Variants in TPCN1 observed in about 807,000 individuals in gnomAD.
The protein encoded by TPCN1 is two pore segment channel 1, also known as two pore channel protein 1.
A neutral mutation model predicts 108.8 loss-of-function variants in TPCN1; 52 were observed. The observed-to-expected ratio is 0.48, with a 90% CI of 0.38 to 0.60. The LOEUF is 0.60. Among genes scored for constraint, TPCN1 ranks in the 20% least tolerant of loss-of-function variants. TPCN1 has a pLI of 0.00. For synonymous variants in TPCN1, 446 were observed against 433.7 expected, an observed-to-expected ratio of 1.03 and a Z score of -0.35; for missense variants, 806 against 1,072.8, an observed-to-expected ratio of 0.75 and a Z score of 3.47.
In TPCN1 at chr12:113,238,155, C is replaced by T. The variant is rs977277665; in HGVS notation, c.112+11191C>T. ...TTTCCCACTTAGTGGAGAAACCTAT[C>T]CTCATAGCCACACTTCCGGTATTGA... is the stretch of plus-strand genomic sequence containing the variant. On this transcript the variant is annotated intron_variant, in intron 2 of 27. Coordinates refer to ENST00000335509, the MANE Select transcript of TPCN1 (RefSeq NM_017901.6). Among the ~76,000 whole-genome samples the T allele has an allele frequency of 2.0e-5, 3 of 152,304 alleles. No individual in the cohort carries two copies. The South Asian group carries it at 6.2e-4, about 32-fold the overall frequency.
chr12:113,291,762 AG>A, intron 24 of TPCN1, 85 bp downstream of exon 24: 1 of 1,574,070 alleles, frequency 6.4e-7, no homozygotes, highest in Non-Finnish European at 8.7e-7. Context: ...AGCGTCAGGG[AG>A]TGGGGCTGGG....
chr12:113,288,895 A>G lies in TPCN1; in HGVS notation c.1796+48A>G. The G allele has an allele frequency of 3.2e-6, 5 of 1,575,992 alleles. No individual in the cohort carries two copies. The highest frequency in any genetic ancestry group is 4.4e-6 in the Non-Finnish European group (5 of 1,148,310). On this transcript the variant is annotated intron_variant, in intron 21 of 27. Transcript: ENST00000335509. The surrounding 1 kb of genome is among the most constrained non-coding windows in gnomAD (Gnocchi z 4.8). ...CAGGCAGCCTGCATTTCCCGGGCAGAGGGCTGGCCAGGGCCAGGATTGGTG... is the reference window on the plus strand; with the variant it reads ...CAGGCAGCCTGCATTTCCCGGGCAGGGGGCTGGCCAGGGCCAGGATTGGTG...
chr12:113,235,432 T>C (rs1180162094), intron 2 of TPCN1, among the ~76,000 whole-genome samples: 5 of 152,182 alleles, frequency 3.3e-5, no homozygotes, highest in Non-Finnish European at 5.9e-5. Flanking sequence ...CTTTTTTTAT[T>C]GTTGTTAGCT....
At chr12:113,222,548 C>T (rs190604126) in intron 1 of TPCN1, among the ~76,000 whole-genome samples, 2 of 152,190 alleles carry the variant, frequency 1.3e-5, no homozygotes, top group Non-Finnish European at 2.9e-5. Flanking sequence ...CCGATGTCCC[C>T]ATGGGGGCAA....
At chr12:113,254,500 G>C (rs966121949) in intron 2 of TPCN1, among the ~76,000 whole-genome samples, 1 of 152,096 alleles carries the variant, frequency 6.6e-6, no homozygotes. Flanking sequence ...AGGAATGCAG[G>C]GTTGGTTTAA....
intron 10 of TPCN1, among the ~76,000 whole-genome samples, chr12:113,275,698 G>C (rs936907114): frequency 2.0e-5 from 3 of 150,724 alleles, no homozygotes; most frequent in Non-Finnish European, 4.4e-5. Flanking sequence ...TCAGCCTCCC[G>C]AGTAGCTGGG....
rs536810510 is a variant in TPCN1 at position 113,245,349 on chromosome 12, G to C, written c.113-15019G>C. Among the ~76,000 whole-genome samples, 4 of 149,618 alleles carry C rather than the reference G, an allele frequency of 2.7e-5. No homozygotes were observed. In the South Asian group the frequency reaches 8.4e-4, roughly 31 times the overall value. On this transcript the variant is annotated intron_variant, in intron 2 of 27. Coordinates refer to ENST00000335509, the MANE Select transcript of TPCN1 (RefSeq NM_017901.6). ...GCGGTGGCTCACGCCTGTAATCCCA[G>C]CACTTTGGGAGGCCGAGGCGGGCGG... is the stretch of plus-strand genomic sequence containing the variant.
In TPCN1 at chr12:113,267,981, TC is replaced by T. The variant is rs1332103441; in HGVS notation, c.528+29del. On this transcript the variant is annotated intron_variant, in intron 5 of 27. Transcript: ENST00000335509. The stretch of plus-strand genomic sequence containing the variant: ...GGTGATGTGTCCGCCCATCTGTCCC[TC>T]CCCTCACAGCCTTTTCTCCCATGTC... 20 of 1,497,776 alleles carry T rather than the reference TC, an allele frequency of 1.3e-5. No individual in the cohort carries two copies. The Admixed American group carries it at 3.4e-4, about 25-fold the overall frequency. 92.8% of individuals were successfully genotyped at this position (1,497,776 alleles called of 1,614,324 possible). A position where few individuals can be genotyped will look rare whatever the true frequency, so the allele number is the denominator to read the frequency against.
At position 113,269,917 on chromosome 12, in the gene TPCN1, C is replaced by T; in HGVS notation, c.748+72C>T. ...ACGGTGGATGAAAAATTATTTTGGG[C>T]CTGGCTCAGTGGCTCACGCCTGTAA... On this transcript the variant is annotated intron_variant, in intron 7 of 27. Coordinates refer to ENST00000335509, the MANE Select transcript of TPCN1 (RefSeq NM_017901.6). The surrounding 1 kb of genome is among the most constrained non-coding windows in gnomAD (Gnocchi z 5.0). 1 of 1,538,472 alleles carries T rather than the reference C, an allele frequency of 6.5e-7. No homozygotes were observed. The highest frequency in any genetic ancestry group is 1.1e-5 in the South Asian group (1 of 88,866).
intron 25 of TPCN1, chr12:113,292,279 C>G: frequency 2.9e-6 from 1 of 349,386 alleles, no homozygotes; most frequent in Admixed American, 4.5e-5. Flanking sequence ...GCTTCTCCTT[C>G]TTGGCTATTT....
Position 113,272,771 on chromosome 12 carries a change from T to TCTGA in TPCN1, c.783+79_783+80insCTGA. 7.0e-7 allele frequency: 1 copy of TCTGA among 1,433,176 alleles called. No individual in the cohort carries two copies. The highest frequency in any genetic ancestry group is 9.8e-7 in the Non-Finnish European group (1 of 1,015,864). 88.8% of individuals were successfully genotyped at this position (1,433,176 alleles called of 1,614,324 possible). A position where few individuals can be genotyped will look rare whatever the true frequency, so the allele number is the denominator to read the frequency against. ...AGACAGGGTCACCGGCGTGACCCTG[T>TCTGA]GGCCATATGGGGAAGGGGGGGCCTG... On this transcript the variant is annotated intron_variant, in intron 8 of 27. Coordinates refer to ENST00000335509, the MANE Select transcript of TPCN1 (RefSeq NM_017901.6). The surrounding 1 kb of genome is among the most constrained non-coding windows in gnomAD (Gnocchi z 4.1).
chr12:113,267,286 T>C (rs2136619049), intron 4 of TPCN1, among the ~76,000 whole-genome samples: 1 of 152,368 alleles, frequency 6.6e-6, no homozygotes, highest in East Asian at 1.9e-4. Flanking sequence ...CGGATTTTAT[T>C]TCTTAAGTTC....
chr12:113,223,605 G>A (rs890937269), intron 1 of TPCN1, among the ~76,000 whole-genome samples: 6 of 152,122 alleles, frequency 3.9e-5, no homozygotes, highest in South Asian at 2.1e-4. Flanking sequence ...GTGTAGTGGC[G>A]TGATCTCAGT....
Position 113,288,089 on chromosome 12 carries a change from G to A in TPCN1, c.1635-74G>A. 6.9e-7 allele frequency: 1 copy of A among 1,440,180 alleles called. No individual in the cohort carries two copies. The highest frequency in any genetic ancestry group is 1.3e-5 in the South Asian group (1 of 79,250). 89.2% of individuals were successfully genotyped at this position (1,440,180 alleles called of 1,614,324 possible). A position where few individuals can be genotyped will look rare whatever the true frequency, so the allele number is the denominator to read the frequency against. ...TCACCGCATGGCGTGTGGAAGGCGG[G>A]GCCGGCATGTTCTGAGGGCGGGGGC... On this transcript the variant is annotated intron_variant, in intron 19 of 27. Transcript: ENST00000335509. The surrounding 1 kb of genome is among the most constrained non-coding windows in gnomAD (Gnocchi z 4.8).
Position 113,245,324 on chromosome 12 carries a change from G to T in TPCN1, c.113-15044G>T, listed in dbSNP as rs528160927. The stretch of plus-strand genomic sequence containing the variant: ...GAGAGGTTAGAAAAGGGGGCTGGGC[G>T]CGGTGGCTCACGCCTGTAATCCCAG... On this transcript the variant is annotated intron_variant, in intron 2 of 27. Coordinates refer to ENST00000335509, the MANE Select transcript of TPCN1 (RefSeq NM_017901.6). Among the ~76,000 whole-genome samples the T allele has an allele frequency of 5.0e-5, 6 of 121,040 alleles. 2 individuals carry two copies. Among genetic ancestry groups the T allele is most frequent in the African/African-American group, 2.1e-4 (6 of 28,776 alleles). The allele number at this position is 121,040 out of a possible 152,430, so 79.4% of individuals were successfully genotyped here. A position where few individuals can be genotyped will look rare whatever the true frequency, so the allele number is the denominator to read the frequency against.
At chr12:113,252,039 C>T (rs966603782) in intron 2 of TPCN1, among the ~76,000 whole-genome samples, 4 of 151,898 alleles carry the variant, frequency 2.6e-5, no homozygotes, top group South Asian at 2.1e-4. Context: ...AAAAGAAGAT[C>T]GGGTTAAGAT....
intron 13 of TPCN1, 39 bp from the exon 14 acceptor site, chr12:113,278,733 G>A (rs780939276): frequency 1.3e-6 from 2 of 1,592,662 alleles, no homozygotes; most frequent in South Asian, 1.1e-5. Flanking sequence ...CCTGGTCCCT[G>A]GCCCTGACAC....
At chr12:113,282,587 C>CAA (rs752501247) in intron 15 of TPCN1, among the ~76,000 whole-genome samples, 163 of 135,284 alleles carry the variant, frequency 1.2e-3, no homozygotes, top group Non-Finnish European at 2.0e-3. Flanking sequence ...CCTGTCTCTA[C>CAA]AAAAAAAAAA....
rs753342910 is a variant in TPCN1, at chr12:113,273,627, A to C, written c.901A>C (p.Ile301Leu). ...SRNPWSCVFF[I>L]VYLSIELYFI... ...GAACCCCTGGTCCTGCGTCTTCTTC[A>C]TCGTGTACCTCTCCATCGAGCTGTA... Residue 301 changes from isoleucine to leucine, a missense_variant, in exon 10 of 28, where the codon ATC becomes CTC. Transcript: ENST00000335509. This position sits in a 1 kb window ranked among gnomAD's most constrained non-coding sequence, Gnocchi z 4.0. 5 of 1,614,152 alleles carry C rather than the reference A, an allele frequency of 3.1e-6. No homozygotes were observed. The highest frequency in any genetic ancestry group is 4.2e-6 in the Non-Finnish European group (5 of 1,180,010).
Sources: allele counts gnomAD v4.1 joint callset (sites outside exome capture counted in the v4.1 genomes callset), GRCh38; gene constraint gnomAD v4.1.1; non-coding constraint Gnocchi (gnomAD v3.1); transcripts MANE v1.5; gene names NCBI Gene and HGNC (gene_info 2026-07-23, HGNC 2026-07-21).